The following MGAT4C variants were observed in gnomAD, a reference collection of about 807,000 sequenced individuals.
MGAT4C encodes MGAT4 family member C.
In MGAT4C, 19 loss-of-function variants were observed where a neutral mutation model predicts 40.1. The observed-to-expected ratio is 0.47, with a 90% CI of 0.33 to 0.70. The LOEUF is 0.70. Among genes scored for constraint, MGAT4C ranks in the 30% least tolerant of loss-of-function variants. The probability of loss-of-function intolerance (pLI) is 0.02; values close to 1 mark genes in which losing one functional copy is unlikely to be tolerated. For missense variants in MGAT4C, 491 were observed against 563.2 expected (o/e 0.87, Z 1.30); for synonymous variants, 181 against 187.1 (o/e 0.97, Z 0.27).
At chr12:86,715,823 C>T (rs1448469080) in intron 2 of MGAT4C, among the ~76,000 whole-genome samples, 8 of 152,064 alleles carry the variant, frequency 5.3e-5, no homozygotes, top group Admixed American at 2.0e-4. Flanking sequence ...GTTTAGTAAT[C>T]ATGTTACCTA....
At chr12:86,611,213 A>G (rs890223457) in intron 2 of MGAT4C, among the ~76,000 whole-genome samples, 1 of 152,070 alleles carries the variant, frequency 6.6e-6, no homozygotes, top group Non-Finnish European at 1.5e-5. Context: ...AAATGGTGTT[A>G]ATTGAAACAA....
intron 1 of MGAT4C, among the ~76,000 whole-genome samples, chr12:86,774,376 G>GTC (rs1338217623): frequency 4.0e-5 from 1 of 25,180 alleles, no homozygotes; most frequent in African/African-American, 1.1e-4. Flanking sequence ...CTCTCTTTCT[G>GTC]TCTGTCTCTC....
chr12:86,508,112 G>A (rs1335369528), intron 2 of MGAT4C, among the ~76,000 whole-genome samples: 1 of 151,846 alleles, frequency 6.6e-6, no homozygotes, highest in Non-Finnish European at 1.5e-5. Context: ...CAATGTGCAG[G>A]TTAGTTACAT....
intron 3 of MGAT4C, among the ~76,000 whole-genome samples, chr12:86,432,088 T>A (rs139820555): frequency 5.9e-4 from 89 of 152,094 alleles, no homozygotes; most frequent in African/African-American, 1.6e-3. Context: ...TAGGAGAGTG[T>A]TAAGGAGGTA....
At chr12:86,817,187 C>T (rs1952623408) in intron 1 of MGAT4C, among the ~76,000 whole-genome samples, 1 of 151,060 alleles carries the variant, frequency 6.6e-6, no homozygotes, top group Non-Finnish European at 1.5e-5. Flanking sequence ...TCATACAACA[C>T]AATTGTTGAA....
At chr12:86,241,834 G>A (rs1387896117) in intron 1 of MGAT4C, among the ~76,000 whole-genome samples, 1 of 152,080 alleles carries the variant, frequency 6.6e-6, no homozygotes, top group Non-Finnish European at 1.5e-5. Flanking sequence ...TGACAATGCT[G>A]ACAAGCCTTT....
intron 1 of MGAT4C, among the ~76,000 whole-genome samples, chr12:86,775,976 T>C (rs1008596696): frequency 7.9e-5 from 12 of 152,060 alleles, no homozygotes; most frequent in Non-Finnish European, 1.2e-4. Context: ...AAAATTTGAC[T>C]GAACGAATAA....
intron 1 of MGAT4C, among the ~76,000 whole-genome samples, chr12:86,743,850 CT>C (rs1313075541): frequency 6.6e-6 from 1 of 151,470 alleles, no homozygotes; most frequent in African/African-American, 2.4e-5. Context: ...TTAAGTGTGG[CT>C]TTTTTTCTTA....
At chr12:86,301,078 C>T (rs1195487544) in intron 4 of MGAT4C, among the ~76,000 whole-genome samples, 1 of 152,054 alleles carries the variant, frequency 6.6e-6, no homozygotes, top group Non-Finnish European at 1.5e-5. Context: ...ACTTTTCAAC[C>T]CTTTACAATT....
At chr12:86,111,913 C>T (rs1272074264) in intron 1 of MGAT4C, among the ~76,000 whole-genome samples, 3 of 151,800 alleles carry the variant, frequency 2.0e-5, no homozygotes, top group African/African-American at 7.2e-5. Flanking sequence ...ATGTGTATCA[C>T]CAGTCATTTC....
At chr12:86,455,579 T>G (rs1555191318) in intron 2 of MGAT4C, among the ~76,000 whole-genome samples, 1 of 152,126 alleles carries the variant, frequency 6.6e-6, no homozygotes, top group Non-Finnish European at 1.5e-5. Flanking sequence ...AACTAAAACT[T>G]GAAGAAAAGA....
chr12:86,135,918 C>T (rs1420593842), intron 1 of MGAT4C, among the ~76,000 whole-genome samples: 4 of 152,098 alleles, frequency 2.6e-5, no homozygotes, highest in Non-Finnish European at 4.4e-5. Flanking sequence ...CATTGTGACT[C>T]GCTTGGCTTA....
chr12:86,715,119 T>G (rs2136637169), intron 2 of MGAT4C, among the ~76,000 whole-genome samples: 1 of 152,240 alleles, frequency 6.6e-6, no homozygotes, highest in African/African-American at 2.4e-5. Flanking sequence ...TAAAAGTGGG[T>G]AATGATATAA....
At chr12:86,735,698 A>G (rs1261595758) in intron 1 of MGAT4C, among the ~76,000 whole-genome samples, 1 of 151,928 alleles carries the variant, frequency 6.6e-6, no homozygotes, top group Non-Finnish European at 1.5e-5. Context: ...TTGTATCTTC[A>G]GATACAAAAG....
chr12:86,718,409 C>T (rs570508233), intron 2 of MGAT4C, among the ~76,000 whole-genome samples: 86 of 152,284 alleles, frequency 5.6e-4, no homozygotes, highest in Non-Finnish European at 1.1e-3. Flanking sequence ...CTGTGTCTTT[C>T]ATGCAGCAGC....
chr12:85,964,856 C>T lies in MGAT4C; in HGVS notation c.*14433G>A, dbSNP rs916503674. ...CTCCATCCCAAAATATATGTCCCATCTGTGGGCTAATGTCTGAAAGTCCTA... is the reference window on the plus strand; with the variant it reads ...CTCCATCCCAAAATATATGTCCCATTTGTGGGCTAATGTCTGAAAGTCCTA... On this transcript the variant is annotated 3_prime_UTR_variant, in exon 5 of 5. Transcript: ENST00000611864. 6.6e-6 allele frequency: 1 copy of T among 151,922 alleles called. No individual in the cohort carries two copies. Among genetic ancestry groups the T allele is most frequent in the Non-Finnish European group, 1.5e-5 (1 of 68,014 alleles). 9.4% of individuals were successfully genotyped at this position (151,922 alleles called of 1,614,324 possible).
rs552362981 is a variant in MGAT4C, at chr12:86,012,753, A to AAACAACAACAACAACAAC, written c.-6-23219_-6-23202dup. 6.6e-4 allele frequency among the ~76,000 whole-genome samples: 72 copies of AAACAACAACAACAACAAC among 109,690 alleles called. 2 individuals carry two copies. Among genetic ancestry groups the AAACAACAACAACAACAAC allele is most frequent in the African/African-American group, 1.9e-3 (49 of 26,274 alleles). 72.0% of individuals were successfully genotyped at this position (109,690 alleles called of 152,430 possible). On this transcript the variant is annotated intron_variant, in intron 2 of 4. Transcript: ENST00000611864. ...GGCAGCAAGAGAGAAACTCCGTCTC[A>AAACAACAACAACAACAAC]AACAACAACAACAACAACAACAACA...
At chr12:86,541,238 C>A (rs1428000603) in intron 2 of MGAT4C, among the ~76,000 whole-genome samples, 1 of 152,154 alleles carries the variant, frequency 6.6e-6, no homozygotes, top group African/African-American at 2.4e-5. Context: ...TCTTCAATTG[C>A]AACATTATTA....
At chr12:86,330,547 G>A (rs181169369) in intron 4 of MGAT4C, among the ~76,000 whole-genome samples, 1 of 152,214 alleles carries the variant, frequency 6.6e-6, no homozygotes, top group East Asian at 1.9e-4. Flanking sequence ...GTCTACTGAG[G>A]TGTGATGCTT....
Sources: gnomAD v4.1 joint callset for allele counts (sites outside exome capture counted in the v4.1 genomes callset) on GRCh38, gnomAD v4.1.1 for gene constraint, MANE v1.5 for transcripts, NCBI Gene and HGNC (gene_info 2026-07-23, HGNC 2026-07-21) for gene names.